Variants in CTNNA2 observed in about 807,000 individuals in gnomAD.
CTNNA2 encodes the protein catenin alpha 2.
Under a neutral mutation model 101.0 loss-of-function variants are expected in CTNNA2, and 42 were observed. The ratio of observed to expected loss-of-function variants is 0.42; its 90% CI spans 0.32 to 0.54. The LOEUF is 0.54. Ranked by LOEUF, CTNNA2 falls within the 20% of genes least tolerant of loss-of-function variation. The pLI is 0.14. For synonymous variants in CTNNA2, 450 were observed against 456.4 expected (o/e 0.99, Z 0.18); for missense variants, 871 against 1,223.1 (o/e 0.71, Z 4.29).
intron 3 of CTNNA2, among the ~76,000 whole-genome samples, chr2:79,344,475 A>G (rs11886884): frequency 0.13 from 20,384 of 152,072 alleles, 1,519 homozygotes; most frequent in Middle Eastern, 0.21. Flanking sequence ...AAAGTTTCAC[A>G]TAATAGGTCT....
At chr2:79,470,714 C>T (rs1670988793) in intron 4 of CTNNA2, among the ~76,000 whole-genome samples, 1 of 152,140 alleles carries the variant, frequency 6.6e-6, no homozygotes, top group Non-Finnish European at 1.5e-5. Context: ...GCAACCGTTG[C>T]GTCCACCTCT....
intron 3 of CTNNA2, among the ~76,000 whole-genome samples, chr2:79,845,067 G>A (rs114676544): frequency 0.028 from 4,027 of 142,588 alleles, 64 homozygotes; most frequent in Non-Finnish European, 0.043. Context: ...GTGTGTGTGT[G>A]TATATATATA....
chr2:79,488,063 C>A (rs1045109348), intron 4 of CTNNA2, among the ~76,000 whole-genome samples: 2 of 151,910 alleles, frequency 1.3e-5, no homozygotes, highest in African/African-American at 4.8e-5. Context: ...ACAGTGTAAT[C>A]CCAGCACTTT....
At chr2:80,225,974 GGCATTA>G (rs980199915) in intron 7 of CTNNA2, among the ~76,000 whole-genome samples, 13 of 152,184 alleles carry the variant, frequency 8.5e-5, no homozygotes, top group African/African-American at 2.6e-4. Context: ...GAAAGAGTGT[GGCATTA>G]TCCTTTTTGT....
intron 8 of CTNNA2, among the ~76,000 whole-genome samples, chr2:80,416,729 T>C (rs979430999): frequency 5.3e-5 from 8 of 152,066 alleles, no homozygotes; most frequent in African/African-American, 1.7e-4. Flanking sequence ...GTTAATATTT[T>C]CCTAGATATT....
intron 2 of CTNNA2, among the ~76,000 whole-genome samples, chr2:79,210,088 TTG>T (rs59836500): frequency 2.0e-4 from 29 of 144,724 alleles, no homozygotes; most frequent in South Asian, 4.5e-4. Flanking sequence ...TCAAGCTATA[TTG>T]TGTGTGTGTG....
chr2:79,633,637 A>T (rs963567961), intron 1 of CTNNA2: 8 of 152,086 alleles, frequency 5.3e-5, no homozygotes, highest in Non-Finnish European at 1.0e-4. Context: ...ACTAAATTAC[A>T]CTCAAATGTA....
intron 9 of CTNNA2, among the ~76,000 whole-genome samples, chr2:80,490,846 A>T (rs144362668): frequency 0.013 from 2,047 of 152,282 alleles, 36 homozygotes; most frequent in South Asian, 0.042. Context: ...CCCAAATTCC[A>T]ATACTAGAAA....
At chr2:79,527,135 A>G (rs1275723297) in intron 1 of CTNNA2, among the ~76,000 whole-genome samples, 1 of 152,154 alleles carries the variant, frequency 6.6e-6, no homozygotes, top group African/African-American at 2.4e-5. Context: ...CAAATTTATA[A>G]AGAACCATAT....
chr2:79,530,639 A>C (rs973500167), intron 1 of CTNNA2, among the ~76,000 whole-genome samples: 7 of 152,180 alleles, frequency 4.6e-5, no homozygotes, highest in African/African-American at 1.4e-4. Context: ...AGGCCACTGT[A>C]TTTGTTGAGT....
At chr2:79,438,948 G>A (rs1362264873) in intron 4 of CTNNA2, among the ~76,000 whole-genome samples, 2 of 152,172 alleles carry the variant, frequency 1.3e-5, no homozygotes, top group African/African-American at 4.8e-5. Context: ...TGAAGAAACT[G>A]GAACCCTTAT....
At chr2:79,812,474 A>G (rs1677122250) in intron 3 of CTNNA2, among the ~76,000 whole-genome samples, 1 of 152,136 alleles carries the variant, frequency 6.6e-6, no homozygotes. Context: ...ATTTATTTGC[A>G]TCTATTGCAA....
chr2:79,394,703 C>T (rs990360332), intron 4 of CTNNA2, among the ~76,000 whole-genome samples: 4 of 152,212 alleles, frequency 2.6e-5, no homozygotes, highest in Non-Finnish European at 5.9e-5. Flanking sequence ...CAGTAGTACA[C>T]ATATCCTACC....
At chr2:79,193,262 A>G (rs917071894) in intron 1 of CTNNA2, among the ~76,000 whole-genome samples, 6 of 152,126 alleles carry the variant, frequency 3.9e-5, no homozygotes, top group South Asian at 2.1e-4. Context: ...TGCTCTTTAT[A>G]CAGTCACATG....
intron 7 of CTNNA2, among the ~76,000 whole-genome samples, chr2:79,937,248 G>T (rs1333992891): frequency 1.3e-5 from 2 of 152,062 alleles, no homozygotes; most frequent in African/African-American, 4.8e-5. Context: ...CTAAGTTAGG[G>T]TTTTCTGGCC....
At chr2:80,356,423 G>A (rs893857057) in intron 7 of CTNNA2, among the ~76,000 whole-genome samples, 1 of 152,096 alleles carries the variant, frequency 6.6e-6, no homozygotes, top group Non-Finnish European at 1.5e-5. Flanking sequence ...CTGGAACTCA[G>A]TTATAAAAGA....
chr2:79,988,092 C>T (rs1691892605), intron 7 of CTNNA2, among the ~76,000 whole-genome samples: 1 of 152,150 alleles, frequency 6.6e-6, no homozygotes, highest in Admixed American at 6.5e-5. Flanking sequence ...GCCTGTATTA[C>T]CCCCAAGAAT....
At chr2:80,250,204 A>AGAGT (rs1553476557) in intron 7 of CTNNA2, among the ~76,000 whole-genome samples, 11,457 of 96,178 alleles carry the variant, frequency 0.12, 940 homozygotes, top group African/African-American at 0.24. Context: ...AGAGAGAGAG[A>AGAGT]GTGTGTGTGT....
chr2:80,598,751 T>C (rs1384955850), intron 15 of CTNNA2, among the ~76,000 whole-genome samples: 1 of 152,192 alleles, frequency 6.6e-6, no homozygotes, highest in African/African-American at 2.4e-5. Flanking sequence ...TAGATAATTA[T>C]GCTGAGTGAA....
Sources: allele counts gnomAD v4.1 joint callset (sites outside exome capture counted in the v4.1 genomes callset), GRCh38; gene constraint gnomAD v4.1.1; transcripts MANE v1.5; gene names NCBI Gene and HGNC (gene_info 2026-07-23, HGNC 2026-07-21).